Variants in RYR2 observed in about 807,000 individuals in gnomAD.
RYR2 encodes cardiac muscle ryanodine receptor-calcium release channel.
In RYR2, 227 loss-of-function variants were observed where a neutral mutation model predicts 601.1. That is an observed-to-expected ratio of 0.38 (90% CI 0.34 to 0.42). The LOEUF is 0.42. Among genes scored for constraint, RYR2 ranks in the 10% least tolerant of loss-of-function variants. The probability of loss-of-function intolerance (pLI) is 1.00; values close to 1 mark genes in which losing one functional copy is unlikely to be tolerated. For missense variants in RYR2, 4,646 were observed against 6,156.5 expected, an observed-to-expected ratio of 0.75 and a Z score of 8.21; for synonymous variants, 2,223 against 2,175.1, an observed-to-expected ratio of 1.02 and a Z score of -0.61.
At chr1:237,206,742 T>C (rs1681862917) in intron 1 of RYR2, among the ~76,000 whole-genome samples, 1 of 152,214 alleles carries the variant, frequency 6.6e-6, no homozygotes. Context: ...TACTGCAAAT[T>C]AGTTTGTTTA....
At chr1:237,264,933 C>T (rs377256130) in intron 1 of RYR2, among the ~76,000 whole-genome samples, 1 of 151,868 alleles carries the variant, frequency 6.6e-6, no homozygotes, top group Non-Finnish European at 1.5e-5. Context: ...AACTCCTGAC[C>T]TCAGGTGATC....
chr1:237,542,162 C>T (rs980498366), intron 25 of RYR2, among the ~76,000 whole-genome samples: 11 of 151,874 alleles, frequency 7.2e-5, no homozygotes, highest in Non-Finnish European at 1.5e-4. Flanking sequence ...GGCGCCATCT[C>T]GGCTCACCGC....
chr1:237,294,136 C>T (rs1490707174), intron 2 of RYR2, among the ~76,000 whole-genome samples: 1 of 152,160 alleles, frequency 6.6e-6, no homozygotes, highest in Non-Finnish European at 1.5e-5. Flanking sequence ...AATATCAGAA[C>T]AGATATTTTC....
intron 80 of RYR2, among the ~76,000 whole-genome samples, chr1:237,747,015 TAC>T: frequency 6.6e-6 from 1 of 152,342 alleles, no homozygotes; most frequent in East Asian, 1.9e-4. Flanking sequence ...TTTAGATGGT[TAC>T]TTCTTTTATT....
chr1:237,622,251 G>T (rs769204697), intron 38 of RYR2, among the ~76,000 whole-genome samples: 2 of 152,036 alleles, frequency 1.3e-5, no homozygotes, highest in African/African-American at 4.8e-5. Flanking sequence ...AAAGTTTCCC[G>T]CAGTTTAACT....
chr1:237,390,513 G>A (rs1437934234), intron 10 of RYR2, among the ~76,000 whole-genome samples: 2 of 152,132 alleles, frequency 1.3e-5, no homozygotes, highest in African/African-American at 4.8e-5. Context: ...CACATTTATT[G>A]TTATTATTTA....
chr1:237,508,025 G>T (rs565443544), intron 23 of RYR2, among the ~76,000 whole-genome samples: 1 of 152,140 alleles, frequency 6.6e-6, no homozygotes, highest in African/African-American at 2.4e-5. Context: ...GTGCAGTGGT[G>T]TGATCTTGGC....
At chr1:237,226,092 T>C (rs1429523671) in intron 1 of RYR2, among the ~76,000 whole-genome samples, 1 of 152,036 alleles carries the variant, frequency 6.6e-6, no homozygotes, top group East Asian at 1.9e-4. Context: ...CCTGTAACAT[T>C]AGCATTATGT....
intron 47 of RYR2, 34 bp downstream of exon 47, chr1:237,641,036 G>A: frequency 6.6e-7 from 1 of 1,516,422 alleles, no homozygotes; most frequent in Non-Finnish European, 9.1e-7. Context: ...CAGCAATCCT[G>A]ATTTCTCTGT....
Position 237,102,414 on chromosome 1 carries a change from A to G in RYR2, c.48+59845A>G, listed in dbSNP as rs182799117. Among the ~76,000 whole-genome samples, 51 of 152,320 alleles carry G rather than the reference A, an allele frequency of 3.3e-4. 1 individual carries two copies. Among genetic ancestry groups the G allele is most frequent in the South Asian group, 3.3e-3 (16 of 4,818 alleles). On this transcript the variant is annotated intron_variant, in intron 1 of 104. Transcript: ENST00000366574. ...GTCCTCTTGTTGAATGCCTCTTCTC[A>G]CTAAATACAGATACATCCATGAGGC...
chr1:237,701,664 C>T (rs1346548849), intron 65 of RYR2, among the ~76,000 whole-genome samples: 2 of 152,052 alleles, frequency 1.3e-5, no homozygotes, highest in African/African-American at 2.4e-5. Context: ...AGTAATTTCT[C>T]GTCATCCACC....
At chr1:237,210,992 G>A (rs1337577033) in intron 1 of RYR2, among the ~76,000 whole-genome samples, 2 of 150,730 alleles carry the variant, frequency 1.3e-5, no homozygotes, top group African/African-American at 2.4e-5. Context: ...CCGCAGAGAC[G>A]TCTCACACAG....
chr1:237,399,655 G>A (rs971384144), intron 10 of RYR2, among the ~76,000 whole-genome samples: 1 of 152,142 alleles, frequency 6.6e-6, no homozygotes, highest in African/African-American at 2.4e-5. Flanking sequence ...TATCCTTAAC[G>A]CAGCCCCTAT....
chr1:237,197,444 G>A (rs567125602), intron 1 of RYR2, among the ~76,000 whole-genome samples: 1 of 152,146 alleles, frequency 6.6e-6, no homozygotes, highest in African/African-American at 2.4e-5. Flanking sequence ...TATCTTAATT[G>A]TATATTTCTT....
chr1:237,109,973 C>A (rs1669261380), intron 1 of RYR2, among the ~76,000 whole-genome samples: 1 of 152,018 alleles, frequency 6.6e-6, no homozygotes, highest in African/African-American at 2.4e-5. Context: ...CAGTAAGGTG[C>A]TGTCAGTTGT....
intron 1 of RYR2, among the ~76,000 whole-genome samples, chr1:237,112,646 T>G (rs1244643932): frequency 6.6e-6 from 1 of 151,978 alleles, no homozygotes; most frequent in Admixed American, 6.6e-5. Context: ...GACTTGATGC[T>G]TTTTTGCTCT....
intron 2 of RYR2, among the ~76,000 whole-genome samples, chr1:237,272,627 T>C (rs1689815156): frequency 6.7e-6 from 1 of 149,220 alleles, no homozygotes; most frequent in Non-Finnish European, 1.5e-5. Flanking sequence ...TTTATATGTG[T>C]ATATATTGTT....
intron 27 of RYR2, 40 bp downstream of exon 27, chr1:237,550,731 G>T: frequency 6.6e-7 from 1 of 1,524,016 alleles, no homozygotes; most frequent in Non-Finnish European, 8.8e-7. Flanking sequence ...GTTGCAAGAT[G>T]ATGTAGTAGT....
At chr1:237,136,077 A>G (rs1372863951) in intron 1 of RYR2, among the ~76,000 whole-genome samples, 1 of 152,236 alleles carries the variant, frequency 6.6e-6, no homozygotes, top group Non-Finnish European at 1.5e-5. Context: ...GGAGAGATGC[A>G]TATAATTACC....
Sources: allele counts gnomAD v4.1 joint callset (sites outside exome capture counted in the v4.1 genomes callset), GRCh38; gene constraint gnomAD v4.1.1; transcripts MANE v1.5; gene names NCBI Gene and HGNC (gene_info 2026-07-23, HGNC 2026-07-21).